The following GAB2 variants were observed in gnomAD, a reference collection of about 807,000 sequenced individuals.
GAB2 encodes the protein GRB2-associated-binding protein 2.
A neutral mutation model predicts 65.5 loss-of-function variants in GAB2; 26 were observed. That is an observed-to-expected ratio of 0.40 (90% CI 0.29 to 0.55). GAB2 has a LOEUF of 0.55. Ranked by LOEUF, GAB2 falls within the 20% of genes least tolerant of loss-of-function variation. The pLI, the probability that GAB2 is intolerant of heterozygous loss-of-function variation, is 0.53. For synonymous variants in GAB2, 321 were observed against 329.6 expected (o/e 0.97, Z 0.28); for missense variants, 884 against 875.8 (o/e 1.01, Z -0.12).
At chr11:78,402,093 TCTTA>T (rs1856980860) in intron 1 of GAB2, among the ~76,000 whole-genome samples, 1 of 152,194 alleles carries the variant, frequency 6.6e-6, no homozygotes, top group Admixed American at 6.5e-5. Flanking sequence ...AGGTATTCTC[TCTTA>T]CTTACCTCTC....
At chr11:78,243,726 C>A (rs1026303774) in intron 3 of GAB2, among the ~76,000 whole-genome samples, 6 of 151,944 alleles carry the variant, frequency 3.9e-5, no homozygotes. Flanking sequence ...TGCCTGTAGT[C>A]CCAGCTACTT....
chr11:78,237,986 A>T (rs757765053), intron 3 of GAB2, among the ~76,000 whole-genome samples: 1 of 152,176 alleles, frequency 6.6e-6, no homozygotes, highest in Non-Finnish European at 1.5e-5. Flanking sequence ...ATGAGAACAC[A>T]TGGACACCTG....
At chr11:78,378,479 T>C (rs967729643) in intron 1 of GAB2, among the ~76,000 whole-genome samples, 2 of 152,204 alleles carry the variant, frequency 1.3e-5, no homozygotes, top group Admixed American at 6.5e-5. Flanking sequence ...ATATTTTATG[T>C]CAGACTTTTC....
At chr11:78,398,058 C>CA (rs1292870228) in intron 1 of GAB2, among the ~76,000 whole-genome samples, 2 of 117,566 alleles carry the variant, frequency 1.7e-5, no homozygotes, top group African/African-American at 8.6e-5. Context: ...GGCCTATACT[C>CA]AATGTTTTCC....
At chr11:78,394,146 G>A (rs1291439627) in intron 1 of GAB2, among the ~76,000 whole-genome samples, 1 of 152,148 alleles carries the variant, frequency 6.6e-6, no homozygotes. Flanking sequence ...AAATTTGCTG[G>A]GCGTGGTGGC....
intron 3 of GAB2, among the ~76,000 whole-genome samples, chr11:78,237,418 TGAAA>T (rs2134497358): frequency 6.6e-6 from 1 of 152,310 alleles, no homozygotes; most frequent in South Asian, 2.1e-4. Context: ...TTATGCAGAA[TGAAA>T]GAAGTCAGGA....
chr11:78,288,382 GAAAAAA>G (rs369041941), intron 1 of GAB2, among the ~76,000 whole-genome samples: 2 of 119,558 alleles, frequency 1.7e-5, no homozygotes, highest in Non-Finnish European at 3.3e-5. Flanking sequence ...CCATCTCAAA[GAAAAAA>G]AAAAAAAAAA....
At chr11:78,227,646 A>AAAAAAAAAAAAAC (rs1565115728) in intron 3 of GAB2, among the ~76,000 whole-genome samples, 26 of 151,608 alleles carry the variant, frequency 1.7e-4, no homozygotes, top group Admixed American at 4.6e-4. Context: ...AAAAAAAAAA[A>AAAAAAAAAAAAAC]AGAACTAGCT....
intron 1 of GAB2, among the ~76,000 whole-genome samples, chr11:78,287,264 A>G (rs1866508918): frequency 6.6e-6 from 1 of 152,194 alleles, no homozygotes; most frequent in Non-Finnish European, 1.5e-5. Flanking sequence ...ACCACTATCA[A>G]ATGTTATACT....
chr11:78,247,392 T>C (rs1337847071), intron 3 of GAB2, among the ~76,000 whole-genome samples: 1 of 152,146 alleles, frequency 6.6e-6, no homozygotes, highest in African/African-American at 2.4e-5. Flanking sequence ...CCACCATCTC[T>C]TCACCTATTA....
At chr11:78,292,031 A>T (rs1053914624) in intron 1 of GAB2, among the ~76,000 whole-genome samples, 7 of 133,332 alleles carry the variant, frequency 5.3e-5, no homozygotes, top group African/African-American at 1.6e-4. Flanking sequence ...TGTGTGTGTG[A>T]GAGAGAGAGA....
rs148204477 is a variant in GAB2 at position 78,218,214 on chromosome 11, T to G, written c.*1058A>C. ...TTCCCGACCCCACTGCAGAGTCCCCTGCACTGCCCTGTGCCTCTGCCCAGC... is the reference window on the plus strand; with the variant it reads ...TTCCCGACCCCACTGCAGAGTCCCCGGCACTGCCCTGTGCCTCTGCCCAGC... On this transcript the variant is annotated 3_prime_UTR_variant, in exon 10 of 10. Transcript: ENST00000361507. 2 of 154,086 alleles carry G rather than the reference T, an allele frequency of 1.3e-5. No individual in the cohort carries two copies. Among genetic ancestry groups the G allele is most frequent in the African/African-American group, 4.8e-5 (2 of 41,458 alleles). 9.5% of individuals were successfully genotyped at this position (154,086 alleles called of 1,614,324 possible).
chr11:78,403,410 T>A (rs1196044925), intron 1 of GAB2, among the ~76,000 whole-genome samples: 2 of 152,212 alleles, frequency 1.3e-5, no homozygotes, highest in Non-Finnish European at 1.5e-5. Flanking sequence ...TGGACTATAG[T>A]AAACAGAAAT....
At chr11:78,356,410 A>T (rs1856360216) in intron 1 of GAB2, among the ~76,000 whole-genome samples, 1 of 152,230 alleles carries the variant, frequency 6.6e-6, no homozygotes, top group African/African-American at 2.4e-5. Flanking sequence ...GTTTTCTCAC[A>T]TGCAAGGAAA....
chr11:78,296,754 T>C (rs188746745), intron 1 of GAB2, among the ~76,000 whole-genome samples: 28 of 152,280 alleles, frequency 1.8e-4, no homozygotes, highest in Admixed American at 1.7e-3. Flanking sequence ...AAGCATGCTG[T>C]TTGGTCTGTT....
chr11:78,340,146 T>C (rs1250079135), intron 1 of GAB2, among the ~76,000 whole-genome samples: 3 of 152,216 alleles, frequency 2.0e-5, no homozygotes, highest in Non-Finnish European at 2.9e-5. Context: ...CTATTCTGCT[T>C]ACCAAGCTCG....
At chr11:78,329,177 G>A (rs556361943) in intron 1 of GAB2, among the ~76,000 whole-genome samples, 1 of 152,222 alleles carries the variant, frequency 6.6e-6, no homozygotes, top group East Asian at 1.9e-4. Context: ...CTTGCTTTAT[G>A]TTTGAAATTT....
intron 1 of GAB2, among the ~76,000 whole-genome samples, chr11:78,320,960 T>C (rs1409765151): frequency 6.6e-6 from 1 of 152,058 alleles, no homozygotes; most frequent in Non-Finnish European, 1.5e-5. Flanking sequence ...GCAAAAGAGA[T>C]ATTTAACTGA....
chr11:78,217,447 T>C lies in GAB2; in HGVS notation c.*1825A>G, dbSNP rs921073532. The C allele has an allele frequency of 3.9e-5, 6 of 152,248 alleles. No homozygotes were observed. The highest frequency in any genetic ancestry group is 7.3e-5 in the Non-Finnish European group (5 of 68,122). The allele number at this position is 152,248 out of a possible 1,614,324, so 9.4% of individuals were successfully genotyped here. Reference sequence around the variant, plus strand: ...GGGACTTAGAGAATGGCTAGGCCATTGGTCTGGTGAACTATGCATGCTCAT... The same window carrying C: ...GGGACTTAGAGAATGGCTAGGCCATCGGTCTGGTGAACTATGCATGCTCAT... On this transcript the variant is annotated 3_prime_UTR_variant, in exon 10 of 10. Coordinates refer to ENST00000361507, the MANE Select transcript of GAB2 (RefSeq NM_080491.3).
Sources: gnomAD v4.1 joint callset for allele counts (sites outside exome capture counted in the v4.1 genomes callset) on GRCh38, gnomAD v4.1.1 for gene constraint, MANE v1.5 for transcripts, NCBI Gene and HGNC (gene_info 2026-07-23, HGNC 2026-07-21) for gene names.